Variants in GALNT17 observed in about 807,000 individuals in gnomAD.
GALNT17 encodes the protein polypeptide N-acetylgalactosaminyltransferase 17, also known as UDP-GalNAc:polypeptide N-acetylgalactosaminyltransferase-like 3.
GALNT17 carries 29 observed loss-of-function variants against 63.7 expected under a neutral mutation model. The ratio of observed to expected loss-of-function variants is 0.46; its 90% confidence interval spans 0.34 to 0.62. The LOEUF (loss-of-function observed/expected upper bound fraction) is 0.62, where lower values mean the gene tolerates loss of function less well. GALNT17 is among the 20% of genes least tolerant of loss of function. GALNT17 has a pLI of 0.01. For synonymous variants in GALNT17, 305 were observed against 318.3 expected (o/e 0.96, Z 0.45); for missense variants, 603 against 799.6 (o/e 0.75, Z 2.97).
At chr7:71,572,278 G>T (rs1789456253) in intron 6 of GALNT17, among the ~76,000 whole-genome samples, 1 of 150,816 alleles carries the variant, frequency 6.6e-6, no homozygotes, top group Non-Finnish European at 1.5e-5. Flanking sequence ...AAATCAGGGG[G>T]GTCACTTGAG....
rs759433480 is a variant in GALNT17, at chr7:71,132,771, A to G, written c.-32A>G. 3.9e-6 allele frequency: 6 copies of G among 1,546,768 alleles called. No individual in the cohort carries two copies. Among genetic ancestry groups the G allele is most frequent in the Non-Finnish European group, 4.4e-6 (5 of 1,140,434 alleles). On this transcript the variant is annotated 5_prime_UTR_variant, in exon 1 of 11. Coordinates refer to ENST00000333538, the MANE Select transcript of GALNT17 (RefSeq NM_022479.3). Reference sequence around the variant, plus strand: ...GCCTCGCCGGAGCCCGAGGGGGCGCAGGTCCGGGGCGAGGGCCGGCCGGGC... The same window carrying G: ...GCCTCGCCGGAGCCCGAGGGGGCGCGGGTCCGGGGCGAGGGCCGGCCGGGC...
intron 1 of GALNT17, among the ~76,000 whole-genome samples, chr7:71,166,432 T>C (rs1281904223): frequency 6.6e-6 from 1 of 152,194 alleles, no homozygotes; most frequent in Non-Finnish European, 1.5e-5. Context: ...AGTGAAATCA[T>C]CCGCATGATC....
At chr7:71,507,274 A>C (rs1451603042) in intron 5 of GALNT17, among the ~76,000 whole-genome samples, 1 of 152,204 alleles carries the variant, frequency 6.6e-6, no homozygotes, top group East Asian at 1.9e-4. Context: ...AGGCACATTC[A>C]ACGCACCAAA....
intron 1 of GALNT17, among the ~76,000 whole-genome samples, chr7:71,308,957 T>G (rs1791360728): frequency 6.6e-6 from 1 of 152,092 alleles, no homozygotes; most frequent in Non-Finnish European, 1.5e-5. Context: ...TTGGCCATAC[T>G]GGTCTCGAAC....
At chr7:71,281,396 A>T (rs921075673) in intron 1 of GALNT17, among the ~76,000 whole-genome samples, 1 of 152,146 alleles carries the variant, frequency 6.6e-6, no homozygotes, top group African/African-American at 2.4e-5. Context: ...TTTAATTTCA[A>T]CTCATGTGCA....
intron 6 of GALNT17, among the ~76,000 whole-genome samples, chr7:71,662,743 T>C (rs1790927427): frequency 6.6e-6 from 1 of 152,238 alleles, no homozygotes; most frequent in Non-Finnish European, 1.5e-5. Flanking sequence ...CATATGGATA[T>C]GTTACATTTT....
At chr7:71,664,848 G>A (rs1034643824) in intron 6 of GALNT17, among the ~76,000 whole-genome samples, 7 of 152,112 alleles carry the variant, frequency 4.6e-5, no homozygotes, top group South Asian at 2.1e-4. Flanking sequence ...CCTAGAGGTG[G>A]ATTTTATATC....
At chr7:71,200,014 A>G (rs1050786314) in intron 1 of GALNT17, among the ~76,000 whole-genome samples, 1 of 152,134 alleles carries the variant, frequency 6.6e-6, no homozygotes, top group Non-Finnish European at 1.5e-5. Context: ...TTTCTTGTAA[A>G]CACACATCTC....
chr7:71,425,405 G>A (rs1172779840), intron 5 of GALNT17, among the ~76,000 whole-genome samples: 1 of 151,974 alleles, frequency 6.6e-6, no homozygotes, highest in African/African-American at 2.4e-5. Context: ...TGTATTTTTA[G>A]TAGAGACAGG....
At chr7:71,362,726 A>AT (rs1274602072) in intron 2 of GALNT17, among the ~76,000 whole-genome samples, 1 of 151,974 alleles carries the variant, frequency 6.6e-6, no homozygotes, top group African/African-American at 2.4e-5. Flanking sequence ...ATTTGTGTAT[A>AT]TTTTTACGGG....
intron 2 of GALNT17, among the ~76,000 whole-genome samples, chr7:71,364,017 A>G (rs1792455132): frequency 1.3e-5 from 2 of 152,108 alleles, no homozygotes; most frequent in African/African-American, 4.8e-5. Flanking sequence ...TTACATATAT[A>G]CATGTTTTTT....
At chr7:71,329,372 G>A (rs1430075271) in intron 1 of GALNT17, among the ~76,000 whole-genome samples, 1 of 152,046 alleles carries the variant, frequency 6.6e-6, no homozygotes, top group Non-Finnish European at 1.5e-5. Context: ...ATGCAGTATT[G>A]GACACATTAT....
At chr7:71,235,660 C>CA (rs1789874792) in intron 1 of GALNT17, among the ~76,000 whole-genome samples, 2 of 152,234 alleles carry the variant, frequency 1.3e-5, no homozygotes, top group African/African-American at 4.8e-5. Context: ...GCACCGCATT[C>CA]AGGCTCCCAG....
At chr7:71,272,973 G>T (rs1583818813) in intron 1 of GALNT17, among the ~76,000 whole-genome samples, 1 of 152,198 alleles carries the variant, frequency 6.6e-6, no homozygotes, top group East Asian at 1.9e-4. Context: ...AGAAAGAAGA[G>T]AGCACGATCA....
At chr7:71,190,667 T>C (rs1307310187) in intron 1 of GALNT17, among the ~76,000 whole-genome samples, 2 of 152,168 alleles carry the variant, frequency 1.3e-5, no homozygotes, top group East Asian at 3.9e-4. Context: ...GGTCTTGCTT[T>C]GTCACCCAGG....
chr7:71,470,271 A>G (rs1453327257), intron 5 of GALNT17, among the ~76,000 whole-genome samples: 2 of 152,130 alleles, frequency 1.3e-5, no homozygotes, highest in South Asian at 4.1e-4. Context: ...ATTAACAGCA[A>G]TGATACATTA....
At chr7:71,378,640 C>A (rs1792787435) in intron 2 of GALNT17, among the ~76,000 whole-genome samples, 2 of 152,030 alleles carry the variant, frequency 1.3e-5, no homozygotes, top group South Asian at 4.2e-4. Flanking sequence ...TTCATTTGTT[C>A]ATTCAGTAAC....
chr7:71,522,328 A>T (rs991979829), intron 5 of GALNT17, among the ~76,000 whole-genome samples: 6 of 152,186 alleles, frequency 3.9e-5, no homozygotes, highest in African/African-American at 1.4e-4. Flanking sequence ...GTATTAGTTC[A>T]TTTTAATGCT....
intron 2 of GALNT17, among the ~76,000 whole-genome samples, chr7:71,340,781 C>A (rs1177338309): frequency 6.6e-6 from 1 of 152,078 alleles, no homozygotes; most frequent in Non-Finnish European, 1.5e-5. Flanking sequence ...TGGCTGTAAT[C>A]CCAGCACTTT....
Sources: gnomAD v4.1 joint callset for allele counts (sites outside exome capture counted in the v4.1 genomes callset) on GRCh38, gnomAD v4.1.1 for gene constraint, MANE v1.5 for transcripts, NCBI Gene and HGNC (gene_info 2026-07-23, HGNC 2026-07-21) for gene names.